Variants in FGF14 observed in about 807,000 individuals in gnomAD.
The protein encoded by FGF14 is fibroblast growth factor 14, also known as fibroblast growth factor homologous factor 4.
In FGF14, 5 loss-of-function variants were observed where a neutral mutation model predicts 25.5. The observed-to-expected ratio is 0.20, with a 90% confidence interval of 0.10 to 0.41. The LOEUF (loss-of-function observed/expected upper bound fraction) is 0.41. Among genes scored for constraint, FGF14 ranks in the 10% least tolerant of loss-of-function variants. The probability of loss-of-function intolerance (pLI) is 1.00; values close to 1 mark genes in which losing one functional copy is unlikely to be tolerated. For synonymous variants in FGF14, 138 were observed against 118.3 expected (o/e 1.17, Z -1.08); for missense variants, 222 against 320.1 (o/e 0.69, Z 2.34).
chr13:102,034,969 C>T (rs560761216), intron 1 of FGF14, among the ~76,000 whole-genome samples: 2 of 152,200 alleles, frequency 1.3e-5, no homozygotes, highest in East Asian at 3.9e-4. Flanking sequence ...GAATTGAATC[C>T]TGGATGTCTA....
Position 101,916,661 on chromosome 13 carries a change from G to GGA in FGF14, c.-17_-16insTC. 1 of 1,522,182 alleles carries GGA rather than the reference G, an allele frequency of 6.6e-7. No homozygotes were observed. The highest frequency in any genetic ancestry group is 8.8e-7 in the Non-Finnish European group (1 of 1,132,198). The allele number at this position is 1,522,182 out of a possible 1,614,324, so 94.3% of individuals were successfully genotyped here. A position where few individuals can be genotyped will look rare whatever the true frequency, so the allele number is the denominator to read the frequency against. ...CCGCGGCCATGGTGGCCCCGGGAAC[G>GGA]GGTCCGGGGAGGGAGGGCGCGGGAG... On this transcript the variant is annotated 5_prime_UTR_variant, in exon 1 of 5. Coordinates refer to ENST00000376143, the MANE Select transcript of FGF14 (RefSeq NM_004115.4).
intron 1 of FGF14, among the ~76,000 whole-genome samples, chr13:102,315,670 A>C (rs1054969773): frequency 6.6e-6 from 1 of 152,188 alleles, no homozygotes; most frequent in Non-Finnish European, 1.5e-5. Context: ...AGCATTTCAC[A>C]AAACAAGAGT....
At chr13:101,891,407 C>T (rs974069122) in intron 1 of FGF14, among the ~76,000 whole-genome samples, 3 of 152,124 alleles carry the variant, frequency 2.0e-5, no homozygotes, top group African/African-American at 7.2e-5. Context: ...TTGCAAAAAG[C>T]AACCTAATGC....
At chr13:102,388,104 T>A (rs12868054) in intron 1 of FGF14, among the ~76,000 whole-genome samples, 2 of 152,176 alleles carry the variant, frequency 1.3e-5, no homozygotes, top group Non-Finnish European at 2.9e-5. Flanking sequence ...GGGTCTGTTG[T>A]TCCCTTCTTT....
intron 1 of FGF14, among the ~76,000 whole-genome samples, chr13:101,981,973 A>G (rs1475477450): frequency 6.6e-6 from 1 of 152,154 alleles, no homozygotes; most frequent in Non-Finnish European, 1.5e-5. Flanking sequence ...TATGGGGTGG[A>G]TCTCAGGGGA....
In FGF14 at chr13:102,201,202, A is replaced by C. The variant is rs116527265; in HGVS notation, c.208+200269T>G. 8.1e-3 allele frequency among the ~76,000 whole-genome samples: 1,215 copies of C among 149,324 alleles called. 13 individuals are homozygous for C. Among genetic ancestry groups the C allele is most frequent in the African/African-American group, 0.027 (1,127 of 41,000 alleles). ...TGAAATGAGAATGCTAAAATTTAAG[A>C]TCTAGTGGGCGATCTCCTCAAGCTA... On this transcript the variant is annotated intron_variant, in intron 1 of 4. Coordinates refer to the FGF14 transcript ENST00000376131.
intron 1 of FGF14, among the ~76,000 whole-genome samples, chr13:102,102,541 G>A (rs1471526237): frequency 6.6e-6 from 1 of 152,118 alleles, no homozygotes; most frequent in Non-Finnish European, 1.5e-5. Context: ...GGGGCAGAAG[G>A]CCACTATTTT....
intron 1 of FGF14, among the ~76,000 whole-genome samples, chr13:101,988,748 C>A (rs1024355372): frequency 6.6e-6 from 1 of 151,148 alleles, no homozygotes; most frequent in Non-Finnish European, 1.5e-5. Flanking sequence ...AGGAGATATA[C>A]CTAATGTTAA....
rs1368628846 is a variant in FGF14, at chr13:101,721,007, A to T, written c.*1824T>A. The T allele has an allele frequency of 2.6e-5, 4 of 152,156 alleles. No homozygotes were observed. The highest frequency in any genetic ancestry group is 9.6e-5 in the African/African-American group (4 of 41,452). The allele number at this position is 152,156 out of a possible 1,614,324, so 9.4% of individuals were successfully genotyped here. ...GGCTGTCATGAAGAAGATTTATGAA[A>T]GCAGTGACAAAATAATTTCCCAATA... is the stretch of plus-strand genomic sequence containing the variant. On this transcript the variant is annotated 3_prime_UTR_variant, in exon 5 of 5. Coordinates refer to ENST00000376143, the MANE Select transcript of FGF14 (RefSeq NM_004115.4).
intron 1 of FGF14, among the ~76,000 whole-genome samples, chr13:102,365,996 A>T (rs1203583538): frequency 6.6e-6 from 1 of 152,194 alleles, no homozygotes; most frequent in African/African-American, 2.4e-5. Context: ...GTAAGCTAAG[A>T]TAGAAAGTTT....
intron 1 of FGF14, among the ~76,000 whole-genome samples, chr13:102,153,027 A>G (rs1438860961): frequency 6.6e-6 from 1 of 152,160 alleles, no homozygotes; most frequent in Non-Finnish European, 1.5e-5. Flanking sequence ...AGCTGCTGGG[A>G]GCTGCAAGGC....
intron 1 of FGF14, chr13:102,401,386 G>T: frequency 1.6e-6 from 2 of 1,287,840 alleles, no homozygotes; most frequent in Non-Finnish European, 2.2e-6. Context: ...CTGCCTTCCT[G>T]CATAGCAGAA....
chr13:102,024,941 GTA>G (rs35005396), intron 1 of FGF14, among the ~76,000 whole-genome samples: 4,778 of 149,270 alleles, frequency 0.032, 245 homozygotes, highest in African/African-American at 0.11. Flanking sequence ...TTTTACTGGT[GTA>G]TATATATATA....
chr13:102,214,833 A>C (rs1404204876), intron 1 of FGF14, among the ~76,000 whole-genome samples: 1 of 152,210 alleles, frequency 6.6e-6, no homozygotes, highest in East Asian at 1.9e-4. Context: ...CCCCGCAGAT[A>C]AAAAATTATC....
intron 1 of FGF14, among the ~76,000 whole-genome samples, chr13:102,236,315 T>A (rs1212538738): frequency 6.6e-6 from 1 of 152,126 alleles, no homozygotes; most frequent in African/African-American, 2.4e-5. Flanking sequence ...GATCAGCAGA[T>A]CAGGGATGAG....
intron 3 of FGF14, among the ~76,000 whole-genome samples, chr13:101,847,383 T>C (rs1410782642): frequency 3.3e-5 from 5 of 152,196 alleles, no homozygotes; most frequent in South Asian, 4.1e-4. Context: ...ATATGAGCTA[T>C]AGGATAATTT....
intron 1 of FGF14, among the ~76,000 whole-genome samples, chr13:102,255,297 T>C (rs2052382167): frequency 6.6e-6 from 1 of 152,188 alleles, no homozygotes; most frequent in African/African-American, 2.4e-5. Context: ...CGGTATCAAG[T>C]ACAGTGATAG....
At chr13:101,864,043 G>C (rs2044566413) in intron 3 of FGF14, among the ~76,000 whole-genome samples, 1 of 152,168 alleles carries the variant, frequency 6.6e-6, no homozygotes, top group Non-Finnish European at 1.5e-5. Flanking sequence ...CTTATGTAGA[G>C]TGGATAAGAC....
At chr13:101,945,887 T>A (rs950101669) in intron 1 of FGF14, among the ~76,000 whole-genome samples, 1 of 152,228 alleles carries the variant, frequency 6.6e-6, no homozygotes, top group Non-Finnish European at 1.5e-5. Flanking sequence ...GACCTTTAAT[T>A]GACCTCAAGT....
Sources: gnomAD v4.1 joint callset for allele counts (sites outside exome capture counted in the v4.1 genomes callset) on GRCh38, gnomAD v4.1.1 for gene constraint, MANE v1.5 for transcripts, NCBI Gene and HGNC (gene_info 2026-07-23, HGNC 2026-07-21) for gene names.